Variants in FAM168A observed in about 807,000 individuals in gnomAD.
FAM168A encodes the protein family with sequence similarity 168 member A, also known as protein FAM168A.
In FAM168A, 3 loss-of-function variants were observed where a neutral mutation model predicts 28.5. That is an observed-to-expected ratio of 0.11 (90% CI 0.05 to 0.27). The LOEUF (loss-of-function observed/expected upper bound fraction) is 0.27. Among genes scored for constraint, FAM168A ranks in the 10% least tolerant of loss-of-function variants. The pLI is 1.00. For synonymous variants in FAM168A, 122 were observed against 124.2 expected (o/e 0.98, Z 0.12); for missense variants, 222 against 311.5 (o/e 0.71, Z 2.16).
chr11:73,504,071 T>C (rs769732549), intron 1 of FAM168A, among the ~76,000 whole-genome samples: 4 of 152,188 alleles, frequency 2.6e-5, no homozygotes, highest in Middle Eastern at 6.8e-3. Flanking sequence ...ACCTAGGCAA[T>C]ACCATTCAGG....
At chr11:73,495,095 CCTGT>C (rs1403020498) in intron 1 of FAM168A, among the ~76,000 whole-genome samples, 1 of 151,302 alleles carries the variant, frequency 6.6e-6, no homozygotes, top group Non-Finnish European at 1.5e-5. Context: ...CAGGGAATTG[CCTGT>C]CTAATTTGAG....
chr11:73,492,016 A>T (rs1428819422), intron 1 of FAM168A, among the ~76,000 whole-genome samples: 1 of 152,244 alleles, frequency 6.6e-6, no homozygotes, highest in Admixed American at 6.5e-5. Flanking sequence ...AACCAAAGAA[A>T]TAAAAAGATA....
intron 2 of FAM168A, among the ~76,000 whole-genome samples, chr11:73,445,419 C>CTCTCTCTTTTTTTTT (rs776745757): frequency 2.0e-5 from 1 of 50,432 alleles, no homozygotes; most frequent in African/African-American, 7.1e-5. Flanking sequence ...AAAAATGTCT[C>CTCTCTCTTTTTTTTT]TTTTTTTTTT....
At chr11:73,451,336 C>G (rs1424367108) in intron 2 of FAM168A, among the ~76,000 whole-genome samples, 1 of 152,190 alleles carries the variant, frequency 6.6e-6, no homozygotes, top group Non-Finnish European at 1.5e-5. Flanking sequence ...TCCAAACTCT[C>G]AGGTCAATTT....
At chr11:73,481,635 T>A (rs950135792) in intron 1 of FAM168A, among the ~76,000 whole-genome samples, 5 of 152,180 alleles carry the variant, frequency 3.3e-5, no homozygotes, top group Non-Finnish European at 7.3e-5. Flanking sequence ...TAAATTTTTA[T>A]CTCCTTAGTC....
At chr11:73,511,559 A>ATTTTTTTTTTTTTTTTTTTTTTTTT (rs1396253362) in intron 1 of FAM168A, among the ~76,000 whole-genome samples, 28 of 152,180 alleles carry the variant, frequency 1.8e-4, no homozygotes, top group African/African-American at 6.0e-4. Context: ...TATGTAATGA[A>ATTTTTTTTTTTTTTTTTTTTTTTTT]TCTTAAGCTG....
chr11:73,518,223 T>A (rs867325270), intron 1 of FAM168A, among the ~76,000 whole-genome samples: 1 of 152,178 alleles, frequency 6.6e-6, no homozygotes, highest in Non-Finnish European at 1.5e-5. Context: ...AGGGAAGATA[T>A]GCAGTACCCA....
At chr11:73,566,826 G>T (rs1944025425) in intron 1 of FAM168A, among the ~76,000 whole-genome samples, 2 of 152,172 alleles carry the variant, frequency 1.3e-5, no homozygotes, top group South Asian at 4.1e-4. Context: ...CATCAACACA[G>T]GAGAAGCATG....
intron 1 of FAM168A, among the ~76,000 whole-genome samples, chr11:73,526,636 G>A (rs1172878774): frequency 6.6e-6 from 1 of 152,116 alleles, no homozygotes. Context: ...TAATCTTGCA[G>A]CATTTATGAG....
chr11:73,584,966 A>G (rs1259836829), intron 1 of FAM168A, among the ~76,000 whole-genome samples: 1 of 151,950 alleles, frequency 6.6e-6, no homozygotes, highest in East Asian at 1.9e-4. Flanking sequence ...ACGAGACTTC[A>G]TCTCTACCAA....
intron 1 of FAM168A, among the ~76,000 whole-genome samples, chr11:73,579,597 G>A (rs1189270635): frequency 2.6e-5 from 4 of 152,106 alleles, no homozygotes; most frequent in Non-Finnish European, 4.4e-5. Context: ...ACCATTTAGA[G>A]CAAGTTTCTC....
In FAM168A at chr11:73,404,234, A is replaced by C. The variant is rs1020691585; in HGVS notation, c.*2529T>G. 6.6e-6 allele frequency: 1 copy of C among 152,208 alleles called. No homozygotes were observed. Among genetic ancestry groups the C allele is most frequent in the Admixed American group, 6.5e-5 (1 of 15,270 alleles). The allele number at this position is 152,208 out of a possible 1,614,324, so 9.4% of individuals were successfully genotyped here. A position where few individuals can be genotyped will look rare whatever the true frequency, so the allele number is the denominator to read the frequency against. On this transcript the variant is annotated 3_prime_UTR_variant, in exon 8 of 8. Coordinates refer to ENST00000356467, the MANE Select transcript of FAM168A (RefSeq NM_015159.3). Reference sequence around the variant, plus strand: ...TTTCTCCTCTCTGTGGTTCCACCCCAGCCCACATGGAGGCAGCAGGGTTCT... The same window carrying C: ...TTTCTCCTCTCTGTGGTTCCACCCCCGCCCACATGGAGGCAGCAGGGTTCT...
intron 1 of FAM168A, 72 bp from the exon 2 acceptor site, chr11:73,468,564 A>C: frequency 8.1e-7 from 1 of 1,241,494 alleles, no homozygotes; most frequent in Middle Eastern, 1.9e-4. Context: ...TCTCCTCCAT[A>C]ATCTTCAGTT....
At position 73,405,738 on chromosome 11, in the gene FAM168A, C is replaced by G. The variant is rs1018777675; in HGVS notation, c.*1025G>C. 1 of 152,202 alleles carries G rather than the reference C, an allele frequency of 6.6e-6. No individual in the cohort carries two copies. Among genetic ancestry groups the G allele is most frequent in the African/African-American group, 2.4e-5 (1 of 41,438 alleles). 9.4% of individuals were successfully genotyped at this position (152,202 alleles called of 1,614,324 possible). ...ACCAAGAGCTTGGCCTGCCTGCAAGCTCTATGGTCAGACAGGTGAGTCCTG... is the reference window on the plus strand; with the variant it reads ...ACCAAGAGCTTGGCCTGCCTGCAAGGTCTATGGTCAGACAGGTGAGTCCTG... On this transcript the variant is annotated 3_prime_UTR_variant, in exon 8 of 8. Coordinates refer to ENST00000356467, the MANE Select transcript of FAM168A (RefSeq NM_015159.3).
At chr11:73,412,285 C>T (rs1458969922) in intron 4 of FAM168A, 2 of 152,304 alleles carry the variant, frequency 1.3e-5, no homozygotes, top group Middle Eastern at 3.4e-3. Flanking sequence ...AGGGGAAGGC[C>T]ACCTCTGCCT....
intron 2 of FAM168A, among the ~76,000 whole-genome samples, chr11:73,448,939 G>GTT (rs899067352): frequency 6.6e-6 from 1 of 151,800 alleles, no homozygotes; most frequent in Non-Finnish European, 1.5e-5. Context: ...GTTTTGTTTT[G>GTT]TTTTTTTCTC....
intron 1 of FAM168A, among the ~76,000 whole-genome samples, chr11:73,491,670 G>T (rs1018282617): frequency 3.3e-5 from 5 of 152,184 alleles, no homozygotes; most frequent in Non-Finnish European, 7.3e-5. Context: ...ATAATCTCTA[G>T]TAGAACACTG....
At chr11:73,433,367 C>CA (rs35834079) in intron 2 of FAM168A, among the ~76,000 whole-genome samples, 3,822 of 143,450 alleles carry the variant, frequency 0.027, 227 homozygotes, top group East Asian at 0.23. Flanking sequence ...GCCTTTGATG[C>CA]AAAAAAAAAA....
chr11:73,501,787 G>A (rs547252021), intron 1 of FAM168A, among the ~76,000 whole-genome samples: 2 of 152,184 alleles, frequency 1.3e-5, no homozygotes, highest in Non-Finnish European at 2.9e-5. Flanking sequence ...GAGCTAGAGA[G>A]GCAACAGCAA....
Sources: allele counts gnomAD v4.1 joint callset (sites outside exome capture counted in the v4.1 genomes callset), GRCh38; gene constraint gnomAD v4.1.1; transcripts MANE v1.5; gene names NCBI Gene and HGNC (gene_info 2026-07-23, HGNC 2026-07-21).